SLC44A1: variants seen among roughly 807,000 people sequenced by gnomAD.
The protein encoded by SLC44A1 is solute carrier family 44 member 1.
Under a neutral mutation model 79.3 loss-of-function variants are expected in SLC44A1, and 26 were observed. That is an observed-to-expected ratio of 0.33 (90% confidence interval 0.24 to 0.46). SLC44A1 has a LOEUF of 0.46. Among genes scored for constraint, SLC44A1 ranks in the 20% least tolerant of loss-of-function variants. SLC44A1 has a pLI of 1.00. For missense variants in SLC44A1, 688 were observed against 798.1 expected (o/e 0.86, Z 1.66); for synonymous variants, 263 against 286.2 (o/e 0.92, Z 0.82).
At chr9:105,285,458 A>T (rs957952118) in intron 1 of SLC44A1, among the ~76,000 whole-genome samples, 3 of 152,230 alleles carry the variant, frequency 2.0e-5, no homozygotes, top group Admixed American at 6.5e-5. Context: ...ATGTAAAAAA[A>T]AATAATTTAC....
intron 4 of SLC44A1, among the ~76,000 whole-genome samples, chr9:105,340,058 G>A (rs1038592525): frequency 2.0e-5 from 3 of 152,160 alleles, no homozygotes; most frequent in African/African-American, 2.4e-5. Context: ...AAAGGGAGTT[G>A]TGGTTCAATG....
At chr9:105,413,840 C>A (rs928243985) in intron 15 of SLC44A1, among the ~76,000 whole-genome samples, 1 of 152,218 alleles carries the variant, frequency 6.6e-6, no homozygotes, top group East Asian at 1.9e-4. Context: ...AAGACGTGAT[C>A]CCCCTGACTA....
At chr9:105,265,386 A>G (rs1326898154) in intron 1 of SLC44A1, among the ~76,000 whole-genome samples, 3 of 152,208 alleles carry the variant, frequency 2.0e-5, no homozygotes, top group African/African-American at 7.2e-5. Context: ...ATGGAATCAT[A>G]CAGTATTGTA....
intron 13 of SLC44A1, among the ~76,000 whole-genome samples, chr9:105,376,632 C>T (rs1324510550): frequency 2.6e-5 from 4 of 152,088 alleles, no homozygotes; most frequent in Admixed American, 2.6e-4. Context: ...CCTCGGCCTC[C>T]CAAAGTGCTG....
At chr9:105,356,433 G>A in intron 6 of SLC44A1, 52 bp downstream of exon 6, 2 of 1,325,348 alleles carry the variant, frequency 1.5e-6, no homozygotes, top group Non-Finnish European at 2.1e-6. Context: ...GAAGAAGACT[G>A]TTTTGTCTTT....
In SLC44A1 at chr9:105,362,864, C is replaced by T; in HGVS notation, c.944C>T (p.Ala315Val). ...ATGTTGGTTATGCGCAAACGTGTTG[C>T]TCTTACCATCGCCTTGTTCCACGTA... ...LIMLVMRKRV[A>V]LTIALFHVAG... Residue 315 changes from alanine to valine, a missense_variant, in exon 9 of 16, where the codon GCT (alanine) becomes GTT (valine). Transcript: ENST00000374720. 1 of 1,612,748 alleles carries T rather than the reference C, an allele frequency of 6.2e-7. No individual in the cohort carries two copies. The highest frequency in any genetic ancestry group is 8.5e-7 in the Non-Finnish European group (1 of 1,179,564).
downstream of SLC44A1, among the ~76,000 whole-genome samples, chr9:105,399,167 A>G (rs1828923825): frequency 6.6e-6 from 1 of 152,242 alleles, no homozygotes; most frequent in African/African-American, 2.4e-5. Flanking sequence ...AAATAATTTT[A>G]GCAGATTCAC....
At chr9:105,288,548 T>A (rs1240152916) in intron 1 of SLC44A1, among the ~76,000 whole-genome samples, 2 of 152,110 alleles carry the variant, frequency 1.3e-5, no homozygotes, top group Non-Finnish European at 2.9e-5. Context: ...GAGGTCTCAC[T>A]ATGTTGCCCA....
At chr9:105,347,883 C>T (rs1333622454) in intron 4 of SLC44A1, among the ~76,000 whole-genome samples, 1 of 151,994 alleles carries the variant, frequency 6.6e-6, no homozygotes, top group African/African-American at 2.4e-5. Context: ...ATAGGAAAAA[C>T]AGGCATAATG....
At chr9:105,377,676 C>T (rs1453466857) in intron 13 of SLC44A1, among the ~76,000 whole-genome samples, 9 of 150,974 alleles carry the variant, frequency 6.0e-5, no homozygotes, top group African/African-American at 1.7e-4. Flanking sequence ...GGCGGAGAAT[C>T]GCTTGAACCC....
At chr9:105,302,674 TAA>T (rs57862025) in intron 2 of SLC44A1, among the ~76,000 whole-genome samples, 23 of 132,500 alleles carry the variant, frequency 1.7e-4, no homozygotes, top group Middle Eastern at 3.8e-3. Flanking sequence ...GGATCTTTTC[TAA>T]AAAAAAAAAA....
intron 1 of SLC44A1, chr9:105,294,920 GATA>G (rs1830685995): frequency 7.2e-6 from 1 of 137,994 alleles, no homozygotes; most frequent in African/African-American, 2.7e-5. Flanking sequence ...TTTCAGTTTG[GATA>G]ATTTCTGTTA....
chr9:105,326,880 G>T lies in SLC44A1; in HGVS notation c.270-8683G>T, dbSNP rs1009948163. ...ACAGCCAACTGTATAGGTCCATTTGGACACTTCATAGGTGTCTCCAACTTA... is the reference window on the plus strand; with the variant it reads ...ACAGCCAACTGTATAGGTCCATTTGTACACTTCATAGGTGTCTCCAACTTA... On this transcript the variant is annotated intron_variant, in intron 3 of 15. Transcript: ENST00000374720. Among the ~76,000 whole-genome samples, 7 of 152,262 alleles carry T rather than the reference G, an allele frequency of 4.6e-5. 1 individual carries two copies. The South Asian group carries it at 1.5e-3, about 32-fold the overall frequency.
chr9:105,277,553 A>G (rs1201361348), intron 1 of SLC44A1, among the ~76,000 whole-genome samples: 4 of 152,228 alleles, frequency 2.6e-5, no homozygotes, highest in East Asian at 3.8e-4. Flanking sequence ...GCCACACCAT[A>G]TAGGTGAACC....
intron 3 of SLC44A1, among the ~76,000 whole-genome samples, chr9:105,326,073 G>A (rs1005576113): frequency 3.9e-5 from 6 of 152,154 alleles, no homozygotes; most frequent in African/African-American, 1.4e-4. Context: ...TATGTGAAAT[G>A]TTCTTTTTTA....
chr9:105,394,180 A>G lies in SLC44A1; in HGVS notation c.*5124A>G. 1 of 985,418 alleles carries G rather than the reference A, an allele frequency of 1.0e-6. No homozygotes were observed. Among genetic ancestry groups the G allele is most frequent in the Non-Finnish European group, 1.2e-6 (1 of 829,928 alleles). 61.0% of individuals were successfully genotyped at this position (985,418 alleles called of 1,614,324 possible). ...TGAACCCAAGTCAAAAGGCTGCTCT[A>G]AAGTTGTTCTGATAATGTGTTTTGA... On this transcript the variant is annotated 3_prime_UTR_variant, in exon 16 of 16. Coordinates refer to ENST00000374720, the MANE Select transcript of SLC44A1 (RefSeq NM_080546.5).
intron 13 of SLC44A1, among the ~76,000 whole-genome samples, chr9:105,377,032 T>A (rs1828312387): frequency 6.6e-6 from 1 of 152,190 alleles, no homozygotes; most frequent in Admixed American, 6.5e-5. Flanking sequence ...AAAATTTTTT[T>A]AAAAGCCTTT....
At position 105,389,411 on chromosome 9, in the gene SLC44A1, G is replaced by T. The variant is rs756153781; in HGVS notation, c.*355G>T. The T allele has an allele frequency of 3.4e-5, 35 of 1,039,350 alleles. No individual in the cohort carries two copies. The highest frequency in any genetic ancestry group is 3.9e-5 in the Non-Finnish European group (34 of 862,450). 64.4% of individuals were successfully genotyped at this position (1,039,350 alleles called of 1,614,324 possible). A position where few individuals can be genotyped will look rare whatever the true frequency, so the allele number is the denominator to read the frequency against. On this transcript the variant is annotated 3_prime_UTR_variant, in exon 16 of 16. Transcript: ENST00000374720. ...AGATTTTAACTTTATTTAAAAATAG[G>T]TAAAATTATTGTACCTAATTATGTC...
At chr9:105,423,247 T>G (rs918934896) in intron 15 of SLC44A1, among the ~76,000 whole-genome samples, 5 of 152,118 alleles carry the variant, frequency 3.3e-5, no homozygotes, top group Non-Finnish European at 7.4e-5. Context: ...GCGGATCACC[T>G]GAGGTCAGGA....
Sources: allele counts gnomAD v4.1 joint callset (sites outside exome capture counted in the v4.1 genomes callset), GRCh38; gene constraint gnomAD v4.1.1; transcripts MANE v1.5; gene names NCBI Gene and HGNC (gene_info 2026-07-23, HGNC 2026-07-21).